Variants in BNC2 observed in about 807,000 individuals in gnomAD.
BNC2 encodes the protein zinc finger protein basonuclin-2.
A neutral mutation model predicts 76.3 loss-of-function variants in BNC2; 20 were observed. The ratio of observed to expected loss-of-function variants is 0.26; its 90% confidence interval spans 0.18 to 0.38. BNC2 has a LOEUF of 0.38. Ranked by LOEUF, BNC2 falls within the 10% of genes least tolerant of loss-of-function variation. The probability of loss-of-function intolerance (pLI) is 1.00; values close to 1 mark genes in which losing one functional copy is unlikely to be tolerated. For synonymous variants in BNC2, 582 were observed against 514.8 expected, an observed-to-expected ratio of 1.13 and a Z score of -1.77; for missense variants, 1,382 against 1,399.8, an observed-to-expected ratio of 0.99 and a Z score of 0.20.
At chr9:16,730,899 A>C (rs1478141682) in intron 2 of BNC2, among the ~76,000 whole-genome samples, 1 of 152,248 alleles carries the variant, frequency 6.6e-6, no homozygotes, top group Admixed American at 6.5e-5. Flanking sequence ...ACAAAAAGAG[A>C]CAACAATTAA....
chr9:16,725,008 A>G (rs2134934477), intron 3 of BNC2, among the ~76,000 whole-genome samples: 1 of 152,256 alleles, frequency 6.6e-6, no homozygotes, highest in East Asian at 1.9e-4. Flanking sequence ...AGCTAAGTAA[A>G]TTTTACTTAG....
At chr9:16,776,657 T>G (rs1372532580) in intron 1 of BNC2, among the ~76,000 whole-genome samples, 2 of 152,122 alleles carry the variant, frequency 1.3e-5, no homozygotes, top group African/African-American at 4.8e-5. Context: ...CTCCACTAAT[T>G]CTGTTATGTG....
chr9:16,802,635 T>G (rs907484229), intron 1 of BNC2, among the ~76,000 whole-genome samples: 2 of 152,122 alleles, frequency 1.3e-5, no homozygotes, highest in Admixed American at 6.6e-5. Context: ...TCTCTCCCAT[T>G]CTTTGTCCAT....
intron 5 of BNC2, chr9:16,476,254 C>G (rs1821925187): frequency 6.6e-6 from 1 of 152,138 alleles, no homozygotes; most frequent in Non-Finnish European, 1.5e-5. Flanking sequence ...GGAAGATAAT[C>G]CTAGGGAAGT....
intron 3 of BNC2, among the ~76,000 whole-genome samples, chr9:16,653,349 C>T (rs1346480010): frequency 6.6e-6 from 1 of 152,118 alleles, no homozygotes; most frequent in African/African-American, 2.4e-5. Context: ...ATCTCCCCTT[C>T]GATATGTACA....
intron 5 of BNC2, among the ~76,000 whole-genome samples, chr9:16,487,293 C>G (rs1822186643): frequency 6.6e-6 from 1 of 152,124 alleles, no homozygotes. Flanking sequence ...GTTCTGAACG[C>G]TGACACCTAA....
At chr9:16,674,824 G>T (rs186877127) in intron 3 of BNC2, among the ~76,000 whole-genome samples, 316 of 152,228 alleles carry the variant, frequency 2.1e-3, no homozygotes, top group African/African-American at 7.2e-3. Flanking sequence ...GCTCTCCACT[G>T]GCACTCAATG....
chr9:16,648,485 A>G (rs1821700005), intron 3 of BNC2, among the ~76,000 whole-genome samples: 1 of 152,232 alleles, frequency 6.6e-6, no homozygotes, highest in Non-Finnish European at 1.5e-5. Context: ...TAAAAACACA[A>G]TTCTGAACAT....
intron 3 of BNC2, among the ~76,000 whole-genome samples, chr9:16,632,988 C>A (rs1172851086): frequency 1.3e-5 from 2 of 152,130 alleles, no homozygotes; most frequent in African/African-American, 4.8e-5. Flanking sequence ...CAGATACCAG[C>A]TATTATATCT....
chr9:16,635,815 A>G (rs1821306149), intron 3 of BNC2, among the ~76,000 whole-genome samples: 1 of 152,218 alleles, frequency 6.6e-6, no homozygotes, highest in South Asian at 2.1e-4. Context: ...TTAAAAGTAA[A>G]GGTTTCTTCA....
intron 1 of BNC2, among the ~76,000 whole-genome samples, chr9:16,832,773 C>T (rs889206145): frequency 1.3e-3 from 190 of 151,936 alleles, no homozygotes; most frequent in African/African-American, 4.4e-3. Flanking sequence ...GTCACCAGGC[C>T]GGAGTGCAGT....
At chr9:16,767,427 T>A (rs950252917) in intron 1 of BNC2, among the ~76,000 whole-genome samples, 6 of 152,174 alleles carry the variant, frequency 3.9e-5, no homozygotes, top group African/African-American at 1.4e-4. Context: ...CTAAGGGATA[T>A]GGGAGAGAAA....
At position 16,763,585 on chromosome 9, in the gene BNC2, A is replaced by C. The variant is rs539694122; in HGVS notation, c.4-25100T>G. Among the ~76,000 whole-genome samples the C allele has an allele frequency of 3.9e-5, 6 of 152,166 alleles. No homozygotes were observed. In the East Asian group the frequency reaches 1.2e-3, roughly 29 times the overall value. The stretch of plus-strand genomic sequence containing the variant: ...ACCCTGTCTCAAAAAAACAAAAAAA[A>C]ACCATCATCACCTTCAGATGATAGT... On this transcript the variant is annotated intron_variant, in intron 1 of 6. Transcript: ENST00000380672.
At chr9:16,502,713 A>G (rs1822546785) in intron 5 of BNC2, among the ~76,000 whole-genome samples, 1 of 152,214 alleles carries the variant, frequency 6.6e-6, no homozygotes, top group African/African-American at 2.4e-5. Context: ...CCAGAATTGC[A>G]GGAAAATCAT....
chr9:16,868,384 T>C (rs1420915449), intron 1 of BNC2, among the ~76,000 whole-genome samples: 2 of 149,820 alleles, frequency 1.3e-5, no homozygotes, highest in Admixed American at 6.6e-5. Context: ...TGTCTGCTTC[T>C]TTTTGTAATC....
intron 5 of BNC2, among the ~76,000 whole-genome samples, chr9:16,547,684 C>A (rs546994731): frequency 6.6e-6 from 1 of 152,154 alleles, no homozygotes; most frequent in South Asian, 2.1e-4. Flanking sequence ...GAAGAAATTA[C>A]CCACGCAGAG....
intron 1 of BNC2, among the ~76,000 whole-genome samples, chr9:16,866,339 C>A (rs954160099): frequency 6.6e-6 from 1 of 151,666 alleles, no homozygotes; most frequent in Non-Finnish European, 1.5e-5. Flanking sequence ...CTCTGGAATA[C>A]AGAAGTTGTA....
intron 3 of BNC2, among the ~76,000 whole-genome samples, chr9:16,649,639 T>G (rs890795290): frequency 6.6e-6 from 1 of 152,222 alleles, no homozygotes; most frequent in African/African-American, 2.4e-5. Context: ...GGCCTCTGTT[T>G]CTTTTAATCT....
At chr9:16,851,413 G>A (rs902644407) in intron 1 of BNC2, among the ~76,000 whole-genome samples, 3 of 152,106 alleles carry the variant, frequency 2.0e-5, no homozygotes, top group African/African-American at 4.8e-5. Context: ...GGCTGAGGCA[G>A]TAGGATTGCT....
Sources: allele counts gnomAD v4.1 joint callset (sites outside exome capture counted in the v4.1 genomes callset), GRCh38; gene constraint gnomAD v4.1.1; transcripts MANE v1.5; gene names NCBI Gene and HGNC (gene_info 2026-07-23, HGNC 2026-07-21).